FAM114A2: variants seen among roughly 807,000 people sequenced by gnomAD.
FAM114A2 encodes protein FAM114A2.
FAM114A2 carries 53 observed loss-of-function variants against 58.4 expected under a neutral mutation model. The observed-to-expected ratio is 0.91, with a 90% CI of 0.73 to 1.14. The LOEUF (loss-of-function observed/expected upper bound fraction) is 1.14. Among genes scored for constraint, FAM114A2 ranks in the 50% most tolerant of loss-of-function variants. The pLI is 0.00. For synonymous variants in FAM114A2, 228 were observed against 211.4 expected (o/e 1.08, Z -0.68); for missense variants, 601 against 581.1 (o/e 1.03, Z -0.35).
intron 11 of FAM114A2, among the ~76,000 whole-genome samples, chr5:153,999,564 G>A (rs995763188): frequency 6.6e-6 from 1 of 151,224 alleles, no homozygotes; most frequent in African/African-American, 2.4e-5. Flanking sequence ...AACATAGGAG[G>A]CAGAGGTTGC....
chr5:153,997,924 A>G (rs746537599), intron 11 of FAM114A2, 49 bp from the exon 12 acceptor site: 6 of 1,107,434 alleles, frequency 5.4e-6, no homozygotes, highest in African/African-American at 4.7e-5. Flanking sequence ...TTTTAAAAAA[A>G]TAAGTTATAT....
intron 9 of FAM114A2, among the ~76,000 whole-genome samples, chr5:154,007,236 C>A (rs1293606964): frequency 6.6e-6 from 1 of 152,130 alleles, no homozygotes; most frequent in Non-Finnish European, 1.5e-5. Flanking sequence ...CATCCACGAC[C>A]ACATTTCAGT....
intron 8 of FAM114A2, among the ~76,000 whole-genome samples, chr5:154,021,845 T>TC (rs1259591538): frequency 1.3e-5 from 2 of 151,998 alleles, no homozygotes; most frequent in Non-Finnish European, 2.9e-5. Flanking sequence ...GCCAAGACAA[T>TC]CCTAAGCCAA....
Position 154,027,280 on chromosome 5 carries a change from C to G in FAM114A2, c.685G>C (p.Val229Leu), listed in dbSNP as rs371503130. The G allele has an allele frequency of 1.2e-6, 2 of 1,613,312 alleles. No homozygotes were observed. The highest frequency in any genetic ancestry group is 1.7e-6 in the Non-Finnish European group (2 of 1,179,574). ...EEIRTSNEVT[V>L]ETDKKTHYGL... is the part of the protein sequence containing the mutation. ...TAATGAGTTTTCTTGTCTGTTTCCA[C>G]GGTAACCTCATTGGAGGTCCGTATC... is the stretch of plus-strand genomic sequence containing the variant. Residue 229 changes from valine (V) to leucine (L), a missense_variant, in exon 7 of 14, where the codon GTG becomes CTG. Coordinates refer to ENST00000351797, the MANE Select transcript of FAM114A2 (RefSeq NM_018691.4).
chr5:154,012,367 C>G (rs1770753021), intron 8 of FAM114A2, among the ~76,000 whole-genome samples: 1 of 152,094 alleles, frequency 6.6e-6, no homozygotes, highest in African/African-American at 2.4e-5. Context: ...GCTCTCTTTC[C>G]CTCTCCACTC....
chr5:154,022,285 G>A (rs2113409939), intron 8 of FAM114A2, among the ~76,000 whole-genome samples: 1 of 152,286 alleles, frequency 6.6e-6, no homozygotes, highest in African/African-American at 2.4e-5. Flanking sequence ...ACAGATAAAT[G>A]GGATCTAATT....
At chr5:154,021,833 T>C (rs555662476) in intron 8 of FAM114A2, among the ~76,000 whole-genome samples, 2 of 152,286 alleles carry the variant, frequency 1.3e-5, no homozygotes, top group South Asian at 2.1e-4. Flanking sequence ...AGAGCCCGCA[T>C]TGCCAAGACA....
At chr5:154,012,841 T>A (rs1329532211) in intron 8 of FAM114A2, among the ~76,000 whole-genome samples, 2 of 152,150 alleles carry the variant, frequency 1.3e-5, no homozygotes, top group African/African-American at 4.8e-5. Flanking sequence ...CATAGTGGGA[T>A]GCATATACCC....
chr5:153,999,924 CGT>C (rs1491143576), intron 11 of FAM114A2, among the ~76,000 whole-genome samples: 3 of 151,174 alleles, frequency 2.0e-5, no homozygotes, highest in African/African-American at 2.4e-5. Context: ...GGTGTGTATG[CGT>C]GTGTGTGTAT....
In FAM114A2 at chr5:153,990,754, T is replaced by G. The variant is rs536913167; in HGVS notation, c.*2222A>C. 2.0e-5 allele frequency: 3 copies of G among 152,156 alleles called. No homozygotes were observed. Among genetic ancestry groups the G allele is most frequent in the Non-Finnish European group, 4.4e-5 (3 of 68,010 alleles). The allele number at this position is 152,156 out of a possible 1,614,324, so 9.4% of individuals were successfully genotyped here. On this transcript the variant is annotated 3_prime_UTR_variant, in exon 14 of 14. Transcript: ENST00000351797. The stretch of plus-strand genomic sequence containing the variant: ...AGTGAATTGGAAAGGCATATATTAG[T>G]AATTAGTGGTAAATCTTAGACACCA...
rs758980388 is a variant in FAM114A2 at position 154,034,899 on chromosome 5, G to C, written c.55C>G (p.Leu19Val). 4 of 1,613,858 alleles carry C rather than the reference G, an allele frequency of 2.5e-6. No individual in the cohort carries two copies. The highest frequency in any genetic ancestry group is 2.2e-5 in the South Asian group (2 of 91,082). ...GCTGGCTCACAGTTTCCATCTTCAA[G>C]GATGGGGGCTGCTTCAGTTAGCAGT... ...TPLLTEAAPI[L>V]EDGNCEPAKN... Residue 19 changes from leucine (L) to valine (V), a missense_variant, in exon 2 of 14, where the codon CTT becomes GTT. By Grantham distance (32) the Leu-to-Val change is conservative. Transcript: ENST00000351797.
Position 154,027,386 on chromosome 5 carries a change from T to C in FAM114A2, c.631-52A>G. On this transcript the variant is annotated intron_variant, in intron 6 of 13. Coordinates refer to ENST00000351797, the MANE Select transcript of FAM114A2 (RefSeq NM_018691.4). ...GTAGCAAACAATGAGAGCTCAAGGG[T>C]GAGTTCTGAGAATTGAAGGAAGCAA... 4 of 1,500,880 alleles carry C rather than the reference T, an allele frequency of 2.7e-6. No homozygotes were observed. In the South Asian group the frequency reaches 5.1e-5, roughly 19 times the overall value. The allele number at this position is 1,500,880 out of a possible 1,614,324, so 93.0% of individuals were successfully genotyped here. A position where few individuals can be genotyped will look rare whatever the true frequency, so the allele number is the denominator to read the frequency against.
intron 3 of FAM114A2, 61 bp from the exon 4 acceptor site, chr5:154,033,944 C>G (rs1772362011): frequency 9.5e-7 from 1 of 1,048,636 alleles, no homozygotes; most frequent in East Asian, 2.4e-5. Flanking sequence ...AAACAAAAAT[C>G]AAACTTGAAG....
chr5:154,031,455 G>A (rs1326272029), intron 4 of FAM114A2, among the ~76,000 whole-genome samples: 2 of 151,920 alleles, frequency 1.3e-5, no homozygotes, highest in East Asian at 3.9e-4. Context: ...TCCATCAATG[G>A]CCTATGCTTA....
intron 5 of FAM114A2, among the ~76,000 whole-genome samples, chr5:154,028,588 C>T (rs1310332255): frequency 6.6e-6 from 1 of 152,178 alleles, no homozygotes; most frequent in Non-Finnish European, 1.5e-5. Flanking sequence ...AACAGCTCTG[C>T]TTGTAATAGC....
chr5:153,997,718 C>CACTT, intron 12 of FAM114A2, 85 bp downstream of exon 12: 1 of 815,168 alleles, frequency 1.2e-6, no homozygotes, highest in South Asian at 1.5e-5. Context: ...TTGAATTGTA[C>CACTT]ACTTAAAGTG....
intron 8 of FAM114A2, among the ~76,000 whole-genome samples, chr5:154,023,487 A>C (rs1047078715): frequency 6.6e-6 from 1 of 152,150 alleles, no homozygotes; most frequent in Non-Finnish European, 1.5e-5. Context: ...CCTGGATGAG[A>C]CTGGATGCTA....
Position 154,027,298 on chromosome 5 carries a change from T to A in FAM114A2, c.667A>T (p.Thr223Ser), listed in dbSNP as rs765292978. 2 of 1,613,018 alleles carry A rather than the reference T, an allele frequency of 1.2e-6. No individual in the cohort carries two copies. The highest frequency in any genetic ancestry group is 2.7e-5 in the African/African-American group (2 of 74,808). The change falls in exon 7 of 14, where the codon ACC becomes TCC. Residue 223 changes from threonine (T) to serine (S), a missense_variant. Thr to Ser is a moderately conservative substitution (Grantham distance 58). Transcript: ENST00000351797. ...GTTTCCACGGTAACCTCATTGGAGGTCCGTATCTCTTCTTTCTCCTTCGCC... is the reference window on the plus strand; with the variant it reads ...GTTTCCACGGTAACCTCATTGGAGGACCGTATCTCTTCTTTCTCCTTCGCC... ...REAKEKEEIR[T>S]SNEVTVETDK...
chr5:154,037,176 C>T (rs1772622363), intron 1 of FAM114A2: 1 of 152,192 alleles, frequency 6.6e-6, no homozygotes, highest in African/African-American at 2.4e-5. Flanking sequence ...GGCCTGAGGT[C>T]TGACAGTATG....
Sources: gnomAD v4.1 joint callset for allele counts (sites outside exome capture counted in the v4.1 genomes callset) on GRCh38, gnomAD v4.1.1 for gene constraint, MANE v1.5 for transcripts, NCBI Gene and HGNC (gene_info 2026-07-23, HGNC 2026-07-21) for gene names.